The following MTOR variants were observed in gnomAD, a reference collection of about 807,000 sequenced individuals.
MTOR encodes serine/threonine-protein kinase mTOR.
Under a neutral mutation model 319.8 loss-of-function variants are expected in MTOR, and 70 were observed. That is an observed-to-expected ratio of 0.22 (90% confidence interval 0.18 to 0.27). MTOR has a LOEUF of 0.27. Among genes scored for constraint, MTOR ranks in the 10% least tolerant of loss-of-function variants. The pLI, the probability that MTOR is intolerant of heterozygous loss-of-function variation, is 1.00. For missense variants in MTOR, 1,890 were observed against 3,274.4 expected (o/e 0.58, Z 10.32); for synonymous variants, 1,183 against 1,211.4 (o/e 0.98, Z 0.49).
chr1:11,245,076 C>A (rs565545922), intron 8 of MTOR, among the ~76,000 whole-genome samples: 1 of 152,228 alleles, frequency 6.6e-6, no homozygotes, highest in South Asian at 2.1e-4. Context: ...TTTGCTATTA[C>A]CTAGAGATTT....
intron 25 of MTOR, among the ~76,000 whole-genome samples, chr1:11,208,706 G>A (rs1006266795): frequency 2.0e-5 from 3 of 152,226 alleles, no homozygotes; most frequent in Non-Finnish European, 4.4e-5. Context: ...CCTGTTTTTA[G>A]GTGGATAGCT....
chr1:11,255,107 G>A (rs557939469), intron 5 of MTOR, among the ~76,000 whole-genome samples: 10 of 152,184 alleles, frequency 6.6e-5, no homozygotes, highest in South Asian at 2.1e-4. Context: ...AAAGTTGGCC[G>A]GGCACAGTGG....
intron 29 of MTOR, among the ~76,000 whole-genome samples, chr1:11,161,001 G>T (rs959957923): frequency 6.6e-6 from 1 of 152,190 alleles, no homozygotes; most frequent in Non-Finnish European, 1.5e-5. Context: ...CCTCACCCCG[G>T]AAGCACAAGG....
chr1:11,234,180 G>C lies in MTOR; in HGVS notation c.2294C>G (p.Pro765Arg). The change falls in exon 14 of 58, where the codon CCC becomes CGC. Residue 765 changes from proline (P) to arginine (R), a missense_variant. By Grantham distance (103) the Pro-to-Arg change is moderately radical. Coordinates refer to ENST00000361445, the MANE Select transcript of MTOR (RefSeq NM_004958.4). ...RMLGHLVSNA[P>R]RLIRPYMEPI... ...CTCCATGTAGGGGCGGATGAGTCGGGGGGCATTGGAGACCAGGTGCCCCAG... is the reference window on the plus strand; with the variant it reads ...CTCCATGTAGGGGCGGATGAGTCGGCGGGCATTGGAGACCAGGTGCCCCAG... 6.2e-7 allele frequency: 1 copy of C among 1,614,162 alleles called. No homozygotes were observed. Among genetic ancestry groups the C allele is most frequent in the Non-Finnish European group, 8.5e-7 (1 of 1,180,036 alleles).
chr1:11,216,653 T>TA (rs34042645), intron 19 of MTOR, among the ~76,000 whole-genome samples: 4,222 of 134,002 alleles, frequency 0.032, 160 homozygotes, highest in South Asian at 0.083. Context: ...CCCTGTCTCT[T>TA]AAAAAAAAAA....
intron 9 of MTOR, 113 bp from the exon 10 acceptor site, chr1:11,241,794 T>C: frequency 1.2e-5 from 14 of 1,214,004 alleles, no homozygotes; most frequent in Non-Finnish European, 1.4e-5. Context: ...CTACCACAGA[T>C]GGGTATGCAA....
intron 29 of MTOR, among the ~76,000 whole-genome samples, chr1:11,158,098 C>T (rs887805841): frequency 1.5e-4 from 23 of 152,146 alleles, no homozygotes; most frequent in Admixed American, 9.8e-4. Context: ...TCCAAATGAT[C>T]AGGAGACTGT....
intron 32 of MTOR, among the ~76,000 whole-genome samples, chr1:11,145,467 C>T (rs944513209): frequency 6.6e-6 from 1 of 152,050 alleles, no homozygotes; most frequent in African/African-American, 2.4e-5. Context: ...GTCTCCACCT[C>T]CCGGGTTCAA....
At chr1:11,239,671 G>A (rs1018014662) in intron 11 of MTOR, among the ~76,000 whole-genome samples, 4 of 152,038 alleles carry the variant, frequency 2.6e-5, no homozygotes, top group Non-Finnish European at 4.4e-5. Flanking sequence ...TTGGGAGGTC[G>A]AGGCAGGCAG....
rs28991009 is a variant in MTOR, at chr1:11,193,627, G to T, written c.4253+5631C>A. ...CAGGCGGAGGCTGGACCATCATCCAGAGACGAAAAAGTGGCCTTGTCTCCT... is the reference window on the plus strand; with the variant it reads ...CAGGCGGAGGCTGGACCATCATCCATAGACGAAAAAGTGGCCTTGTCTCCT... On this transcript the variant is annotated intron_variant, in intron 28 of 57. Coordinates refer to ENST00000361445, the MANE Select transcript of MTOR (RefSeq NM_004958.4). 9,065 of 1,612,570 alleles carry T rather than the reference G, an allele frequency of 5.6e-3. 43 individuals carry two copies. Among genetic ancestry groups the T allele is most frequent in the Non-Finnish European group, 7.3e-3 (8,648 of 1,179,158 alleles).
chr1:11,240,884 T>C (rs1484485315), intron 10 of MTOR, among the ~76,000 whole-genome samples: 1 of 152,124 alleles, frequency 6.6e-6, no homozygotes, highest in African/African-American at 2.4e-5. Flanking sequence ...TTAAGCAACT[T>C]GCTCAATAAT....
At chr1:11,251,304 T>C (rs1374238225) in intron 6 of MTOR, among the ~76,000 whole-genome samples, 1 of 152,206 alleles carries the variant, frequency 6.6e-6, no homozygotes, top group Non-Finnish European at 1.5e-5. Flanking sequence ...CAGGGACCAC[T>C]GCCTAGAATG....
chr1:11,254,073 CGCCTGCTCAGT>C (rs1379238088), intron 5 of MTOR, 100 bp from the exon 6 acceptor site: 58 of 1,401,680 alleles, frequency 4.1e-5, no homozygotes, highest in Non-Finnish European at 5.5e-5. Context: ...GGTGCTACCA[CGCCTGCTCAGT>C]GCCTAGTGCC....
Position 11,213,400 on chromosome 1 carries a change from T to C in MTOR, c.3284A>G (p.Lys1095Arg). The change falls in exon 21 of 58, where the codon AAG becomes AGG. Residue 1095 changes from lysine to arginine, a missense_variant and splice_region_variant. This residue lies in a region of MTOR where 377 missense variants were observed against 653.9 expected (regional missense o/e 0.58). Coordinates refer to ENST00000361445, the MANE Select transcript of MTOR (RefSeq NM_004958.4). ...DNSPGRIVSI[K>R]LLAAIQLFGA... The stretch of plus-strand genomic sequence containing the variant: ...TGGAGGATGACGTAGGCTACTCACC[T>C]TGATAGAGACAATGCGGCCTGGGCT... 1.2e-6 allele frequency: 2 copies of C among 1,611,608 alleles called. No homozygotes were observed. The highest frequency in any genetic ancestry group is 1.7e-6 in the Non-Finnish European group (2 of 1,179,570).
At position 11,203,873 on chromosome 1, in the gene MTOR, A is replaced by G. The variant is rs182985656; in HGVS notation, c.3944+688T>C. Among the ~76,000 whole-genome samples the G allele has an allele frequency of 1.6e-3, 247 of 151,904 alleles. 2 individuals carry two copies. Among genetic ancestry groups the G allele is most frequent in the African/African-American group, 5.7e-3 (237 of 41,386 alleles). Reference sequence around the variant, plus strand: ...GAAGTGACTCTTCATGACTTCCAAGACTCTTTATGACTTAGATCATAAAAA... The same window carrying G: ...GAAGTGACTCTTCATGACTTCCAAGGCTCTTTATGACTTAGATCATAAAAA... On this transcript the variant is annotated intron_variant, in intron 26 of 57. Coordinates refer to ENST00000361445, the MANE Select transcript of MTOR (RefSeq NM_004958.4).
intron 1 of MTOR, among the ~76,000 whole-genome samples, chr1:11,260,121 T>C (rs967086944): frequency 3.3e-5 from 5 of 152,214 alleles, no homozygotes; most frequent in Non-Finnish European, 5.9e-5. Flanking sequence ...CTACTACTAC[T>C]ATGTACATGG....
chr1:11,119,823 G>T (rs906666518), intron 49 of MTOR, among the ~76,000 whole-genome samples: 1 of 150,066 alleles, frequency 6.7e-6, no homozygotes, highest in African/African-American at 2.5e-5. Context: ...AAACTTTAAA[G>T]AAAAGGATTA....
chr1:11,194,970 TACTCCCTCAAAC>T (rs1645727518), intron 28 of MTOR: 1 of 1,614,080 alleles, frequency 6.2e-7, no homozygotes, highest in East Asian at 2.2e-5. Flanking sequence ...TGGATCTACC[TACTCCCTCAAAC>T]GGGTGGAGAT....
Position 11,124,548 on chromosome 1 carries a change from C to T in MTOR, c.6612G>A (p.Leu2204=), listed in dbSNP as rs755689615. The change falls in exon 47 of 58, where the codon CTG becomes CTA. Residue 2204 remains leucine, a synonymous_variant. Transcript: ENST00000361445. ...QDERVMQLFG[L]VNTLLANDPT... is the part of the protein sequence containing the mutation. ...GGTCATTGGCCAGAAGGGTGTTAAC[C>T]AGGCCGAAGAGCTGCATCACACGCT... is the stretch of plus-strand genomic sequence containing the variant. 1.2e-6 allele frequency: 2 copies of T among 1,612,392 alleles called. No individual in the cohort carries two copies. The highest frequency in any genetic ancestry group is 1.3e-5 in the African/African-American group (1 of 75,030).
Sources: gnomAD v4.1 joint callset for allele counts (sites outside exome capture counted in the v4.1 genomes callset) on GRCh38, gnomAD v4.1.1 for gene constraint, gnomAD v4.1.1 regional missense constraint, MANE v1.5 for transcripts, NCBI Gene and HGNC (gene_info 2026-07-23, HGNC 2026-07-21) for gene names.